GOLPH3L: variants seen among roughly 807,000 people sequenced by gnomAD.
GOLPH3L encodes the protein golgi phosphoprotein 3 like, also known as Golgi phosphoprotein 3-like.
GOLPH3L carries 22 observed loss-of-function variants against 30.3 expected under a neutral mutation model. The ratio of observed to expected loss-of-function variants is 0.73; its 90% CI spans 0.52 to 1.04. The LOEUF is 1.04. Ranked by LOEUF, GOLPH3L falls within the 50% of genes least tolerant of loss-of-function variation. The pLI, the probability that GOLPH3L is intolerant of heterozygous loss-of-function variation, is 0.00. For synonymous variants in GOLPH3L, 120 were observed against 128.2 expected (o/e 0.94, Z 0.43); for missense variants, 303 against 345.8 (o/e 0.88, Z 0.98).
intron 2 of GOLPH3L, among the ~76,000 whole-genome samples, chr1:150,664,230 C>G (rs587677926): frequency 6.6e-6 from 1 of 152,074 alleles, no homozygotes; most frequent in Non-Finnish European, 1.5e-5. Flanking sequence ...TCTCGAACTC[C>G]TGGCCTCAAG....
chr1:150,653,862 A>G (rs1048267221), intron 4 of GOLPH3L, among the ~76,000 whole-genome samples: 6 of 151,804 alleles, frequency 4.0e-5, no homozygotes, highest in African/African-American at 1.5e-4. Flanking sequence ...TCCCAGGTTC[A>G]GGTGATTCTC....
intron 4 of GOLPH3L, among the ~76,000 whole-genome samples, chr1:150,655,014 C>T (rs796564315): frequency 3.3e-5 from 5 of 152,292 alleles, no homozygotes; most frequent in African/African-American, 1.2e-4. Flanking sequence ...TATAGCACAG[C>T]TCCTGATTGT....
chr1:150,690,430 TGTAAAAACAA>T (rs1651184455), intron 2 of GOLPH3L, among the ~76,000 whole-genome samples: 1 of 152,160 alleles, frequency 6.6e-6, no homozygotes, highest in African/African-American at 2.4e-5. Context: ...TCCCAAACCA[TGTAAAAACAA>T]GCAATTATAT....
chr1:150,650,413 A>G (rs1005412251), intron 4 of GOLPH3L, among the ~76,000 whole-genome samples: 3 of 152,096 alleles, frequency 2.0e-5, no homozygotes, highest in African/African-American at 7.2e-5. Flanking sequence ...AACACAATCA[A>G]CCTCTAGTGG....
Position 150,655,258 on chromosome 1 carries a change from AC to A in GOLPH3L, c.431-6511del, listed in dbSNP as rs1475646948. On this transcript the variant is annotated intron_variant, in intron 4 of 4. Transcript: ENST00000271732. Reference sequence around the variant, plus strand: ...TGGCCAATTCAACCCGCCCAATTTAACATAGTTGGAGTTGGTAAGGACCCTG... The same window carrying A: ...TGGCCAATTCAACCCGCCCAATTTAAATAGTTGGAGTTGGTAAGGACCCTG... Among the ~76,000 whole-genome samples the A allele has an allele frequency of 3.9e-5, 6 of 152,332 alleles. No individual in the cohort carries two copies. In the South Asian group the frequency reaches 1.0e-3, roughly 26 times the overall value.
Position 150,648,330 on chromosome 1 carries a change from A to C in GOLPH3L, c.849T>G (p.Asn283Lys), listed in dbSNP as rs1331934071. Residue 283 changes from asparagine to lysine, a missense_variant, in exon 5 of 5, where the codon AAT becomes AAG. Asn to Lys is a moderately conservative substitution (Grantham distance 94, BLOSUM62 0). Coordinates refer to ENST00000271732, the MANE Select transcript of GOLPH3L (RefSeq NM_018178.6). Reference sequence around the variant, plus strand: ...AATCCACCTGCCGGCTTTAAGATTTATTGAAGGCTGCCAGCACAGCCCAGA... The same window carrying C: ...AATCCACCTGCCGGCTTTAAGATTTCTTGAAGGCTGCCAGCACAGCCCAGA... ...EMIWAVLAAFNKS is the reference protein window; with the variant it reads ...EMIWAVLAAFKKS The C allele has an allele frequency of 1.3e-6, 2 of 1,592,528 alleles. No individual in the cohort carries two copies. The highest frequency in any genetic ancestry group is 1.7e-6 in the Non-Finnish European group (2 of 1,166,882).
chr1:150,686,543 C>T (rs1651090819), intron 2 of GOLPH3L, among the ~76,000 whole-genome samples: 1 of 152,126 alleles, frequency 6.6e-6, no homozygotes, highest in Non-Finnish European at 1.5e-5. Context: ...CAATTTATTG[C>T]CCAAATGATC....
intron 2 of GOLPH3L, among the ~76,000 whole-genome samples, chr1:150,682,873 T>C (rs181771133): frequency 1.1e-4 from 16 of 152,292 alleles, no homozygotes; most frequent in African/African-American, 3.4e-4. Flanking sequence ...CAACTGTGAA[T>C]AGGTAAGGTC....
chr1:150,670,336 G>A (rs1222775163), intron 2 of GOLPH3L, among the ~76,000 whole-genome samples: 4 of 152,074 alleles, frequency 2.6e-5, no homozygotes, highest in South Asian at 4.1e-4. Flanking sequence ...GGTGGCTCAC[G>A]CCTGTAATCC....
intron 2 of GOLPH3L, among the ~76,000 whole-genome samples, chr1:150,674,366 T>C (rs997795821): frequency 1.3e-5 from 2 of 151,920 alleles, no homozygotes; most frequent in Non-Finnish European, 1.5e-5. Context: ...GCTCAAGCGA[T>C]TCTCCTGCCT....
intron 2 of GOLPH3L, among the ~76,000 whole-genome samples, chr1:150,666,599 A>C (rs758687868): frequency 6.6e-6 from 1 of 152,082 alleles, no homozygotes; most frequent in Non-Finnish European, 1.5e-5. Context: ...CAGCCTCCCA[A>C]AGTGCTGGAA....
Position 150,663,701 on chromosome 1 carries a change from C to T in GOLPH3L, c.246G>A (p.Glu82=), listed in dbSNP as rs774438572. The T allele has an allele frequency of 1.2e-6, 2 of 1,613,668 alleles. No individual in the cohort carries two copies. Among genetic ancestry groups the T allele is most frequent in the Non-Finnish European group, 1.7e-6 (2 of 1,179,608 alleles). ...SSGLRGGILI[E]LAMRGRIYLE... ...GATAGATTCGACCCCGCATGGCCAG[C>T]TCTATCAGGATGCCCCCTCGCAGGC... The change falls in exon 3 of 5, where the codon GAG becomes GAA. Residue 82 remains glutamate (E), a synonymous_variant. Transcript: ENST00000271732.
intron 4 of GOLPH3L, among the ~76,000 whole-genome samples, chr1:150,659,136 G>A (rs1186078156): frequency 6.6e-6 from 1 of 152,220 alleles, no homozygotes; most frequent in Non-Finnish European, 1.5e-5. Context: ...TGTATAGTCT[G>A]CAGGTGTGGA....
At position 150,661,890 on chromosome 1, in the gene GOLPH3L, T is replaced by C; in HGVS notation, c.354A>G (p.Leu118=). ...LKSDSPTGDV[L]LDETLKHIKA... is the part of the protein sequence containing the mutation. The stretch of plus-strand genomic sequence containing the variant: ...TGATGTGTTTCAGAGTTTCATCCAG[T>C]AAAACATCACCTGTTGGGCTGTCTG... Residue 118 remains leucine, a synonymous_variant, in exon 4 of 5, where the codon TTA becomes TTG. Transcript: ENST00000271732. 7 of 1,595,820 alleles carry C rather than the reference T, an allele frequency of 4.4e-6. No homozygotes were observed. The highest frequency in any genetic ancestry group is 6.0e-6 in the Non-Finnish European group (7 of 1,163,180).
intron 4 of GOLPH3L, among the ~76,000 whole-genome samples, chr1:150,652,533 T>C (rs1026766985): frequency 7.2e-5 from 11 of 151,804 alleles, no homozygotes; most frequent in African/African-American, 2.7e-4. Flanking sequence ...ATATTAATAC[T>C]AAAACTAAAG....
intron 2 of GOLPH3L, among the ~76,000 whole-genome samples, chr1:150,693,760 A>T (rs1007226820): frequency 5.5e-5 from 8 of 146,724 alleles, no homozygotes; most frequent in Admixed American, 4.8e-4. Flanking sequence ...ATTTTTAAAA[A>T]TTTTCAAAAA....
chr1:150,674,482 C>T (rs111972983), intron 2 of GOLPH3L, among the ~76,000 whole-genome samples: 58,471 of 151,774 alleles, frequency 0.39, 11,576 homozygotes, highest in South Asian at 0.55. Context: ...AGGGTAGTTT[C>T]GAACTCCTGA....
intron 2 of GOLPH3L, chr1:150,694,111 G>C (rs587730062): frequency 2.3e-6 from 1 of 430,422 alleles, no homozygotes; most frequent in Admixed American, 2.6e-5. Context: ...CACTCACCTC[G>C]GCTCCCCAAA....
chr1:150,657,045 C>CT (rs1557780865), intron 4 of GOLPH3L, among the ~76,000 whole-genome samples: 1 of 152,200 alleles, frequency 6.6e-6, no homozygotes, highest in Admixed American at 6.5e-5. Flanking sequence ...AACTGAGGTA[C>CT]TGACTGCTTT....
Sources: gnomAD v4.1 joint callset for allele counts (sites outside exome capture counted in the v4.1 genomes callset) on GRCh38, gnomAD v4.1.1 for gene constraint, MANE v1.5 for transcripts, NCBI Gene and HGNC (gene_info 2026-07-23, HGNC 2026-07-21) for gene names.